SLC26A5: variants seen among roughly 807,000 people sequenced by gnomAD.
SLC26A5 encodes the protein prestin.
A neutral mutation model predicts 81.0 loss-of-function variants in SLC26A5; 51 were observed. That is an observed-to-expected ratio of 0.63 (90% CI 0.50 to 0.80). The LOEUF is 0.80. Ranked by LOEUF, SLC26A5 falls within the 30% of genes least tolerant of loss-of-function variation. The pLI is 0.00. For missense variants in SLC26A5, 771 were observed against 905.8 expected (o/e 0.85, Z 1.91); for synonymous variants, 325 against 332.8 (o/e 0.98, Z 0.25).
chr7:103,407,832 C>A lies in SLC26A5; in HGVS notation c.888+19G>T, dbSNP rs1394880903. The A allele has an allele frequency of 6.2e-7, 1 of 1,613,614 alleles. No homozygotes were observed. The highest frequency in any genetic ancestry group is 1.7e-5 in the Admixed American group (1 of 60,002). ...GCAGTTGTAGAAGCCGAGTAGGTCA[C>A]TGACCGAAGGTGACTTACCGCAAAG... On this transcript the variant is annotated intron_variant, in intron 8 of 19. Coordinates refer to ENST00000306312, the MANE Select transcript of SLC26A5 (RefSeq NM_198999.3).
At chr7:103,399,555 T>C (rs1488347338) in intron 8 of SLC26A5, among the ~76,000 whole-genome samples, 1 of 152,192 alleles carries the variant, frequency 6.6e-6, no homozygotes. Context: ...ATCAGACACC[T>C]ATACTCTTCA....
Position 103,443,168 on chromosome 7 carries a change from C to T in SLC26A5, c.-139G>A, listed in dbSNP as rs569235140. On this transcript the variant is annotated 5_prime_UTR_variant, in exon 2 of 20. Coordinates refer to ENST00000306312, the MANE Select transcript of SLC26A5 (RefSeq NM_198999.3). ...CAGTGCAGTTCACTGAAGCCTTGAT[C>T]ACTGAGGCTGAGAGCAGGAGAAGGG... is the stretch of plus-strand genomic sequence containing the variant. 6.6e-6 allele frequency: 1 copy of T among 152,362 alleles called. No homozygotes were observed. The highest frequency in any genetic ancestry group is 2.1e-4 in the South Asian group (1 of 4,828). The allele number at this position is 152,362 out of a possible 1,614,324, so 9.4% of individuals were successfully genotyped here.
At chr7:103,370,021 G>A (rs1288554407), downstream of SLC26A5, among the ~76,000 whole-genome samples, 2 of 152,196 alleles carry the variant, frequency 1.3e-5, no homozygotes, top group African/African-American at 2.4e-5. Flanking sequence ...GTTACCTGGT[G>A]TGGTGCTAAC....
chr7:103,419,666 T>A (rs924994773), intron 4 of SLC26A5, among the ~76,000 whole-genome samples: 4 of 152,004 alleles, frequency 2.6e-5, no homozygotes, highest in African/African-American at 9.7e-5. Flanking sequence ...GCCTCCTGAG[T>A]ATCTGAGACT....
rs116674459 is a variant in SLC26A5, at chr7:103,410,082, T to C, written c.735+303A>G. 0.016 allele frequency among the ~76,000 whole-genome samples: 2,433 copies of C among 152,272 alleles called. 62 individuals are homozygous for C. The highest frequency in any genetic ancestry group is 0.056 in the African/African-American group (2,310 of 41,546). On this transcript the variant is annotated intron_variant, in intron 7 of 19. Transcript: ENST00000306312. ...TATTTGTTAGTTTCCAAAAAGATCA[T>C]GATTTAGTTGTAAGAAAAAGCTCTC...
intron 10 of SLC26A5, among the ~76,000 whole-genome samples, chr7:103,391,955 G>A (rs1218243804): frequency 1.3e-5 from 2 of 152,186 alleles, no homozygotes; most frequent in African/African-American, 2.4e-5. Flanking sequence ...AGAGATAAAC[G>A]CTGGGCTCCC....
chr7:103,406,798 G>A (rs185070230), intron 8 of SLC26A5, among the ~76,000 whole-genome samples: 3 of 152,272 alleles, frequency 2.0e-5, no homozygotes, highest in Admixed American at 2.0e-4. Context: ...TGGGATTACA[G>A]GTGCATTTCA....
At chr7:103,389,492 C>T in intron 12 of SLC26A5, 68 bp from the exon 13 acceptor site, 1 of 1,140,470 alleles carries the variant, frequency 8.8e-7, no homozygotes, top group Non-Finnish European at 1.3e-6. Context: ...TGGTTCCTCA[C>T]TGTCCTCCTG....
chr7:103,363,635 A>G (rs1323829374), intron 19 of SLC26A5, among the ~76,000 whole-genome samples: 2 of 152,096 alleles, frequency 1.3e-5, no homozygotes, highest in East Asian at 3.9e-4. Flanking sequence ...GTGGTCAGGT[A>G]TATTTAAAAA....
At chr7:103,437,004 C>T (rs978522602) in intron 2 of SLC26A5, among the ~76,000 whole-genome samples, 14 of 152,268 alleles carry the variant, frequency 9.2e-5, no homozygotes, top group Non-Finnish European at 1.5e-5. Context: ...AGACAACCCA[C>T]AGAATGGGAG....
chr7:103,438,147 T>G (rs1481874185), intron 2 of SLC26A5, among the ~76,000 whole-genome samples: 1 of 152,118 alleles, frequency 6.6e-6, no homozygotes, highest in Admixed American at 6.6e-5. Context: ...CCTCTCTATC[T>G]GCAGAACCTG....
chr7:103,374,712 T>A lies in SLC26A5; in HGVS notation c.2042-120A>T. 6 of 1,042,836 alleles carry A rather than the reference T, an allele frequency of 5.8e-6. No homozygotes were observed. The South Asian group carries it at 9.5e-5, about 17-fold the overall frequency. 64.6% of individuals were successfully genotyped at this position (1,042,836 alleles called of 1,614,324 possible). ...TGTTATTGTTTTTTGTTTCTTTTTTTTTTTTGAGACAGAGTCTCACTCTGT... is the reference window on the plus strand; with the variant it reads ...TGTTATTGTTTTTTGTTTCTTTTTTATTTTTGAGACAGAGTCTCACTCTGT... On this transcript the variant is annotated intron_variant, in intron 19 of 19. Coordinates refer to ENST00000306312, the MANE Select transcript of SLC26A5 (RefSeq NM_198999.3).
Position 103,362,818 on chromosome 7 carries a change from C to T in SLC26A5, c.2042-9892G>A, listed in dbSNP as rs1476346561. ...TCTTTTTTTTTTTTTTTTTTTGAGGCGGAGTTTCACTCTTGTCCAGGCTGG... is the reference window on the plus strand; with the variant it reads ...TCTTTTTTTTTTTTTTTTTTTGAGGTGGAGTTTCACTCTTGTCCAGGCTGG... On this transcript the variant is annotated intron_variant, in intron 19 of 19. Coordinates refer to the SLC26A5 transcript ENST00000339444. 55 of 1,060,320 alleles carry T rather than the reference C, an allele frequency of 5.2e-5. 1 individual carries two copies. The highest frequency in any genetic ancestry group is 1.5e-4 in the African/African-American group (7 of 48,184). 65.7% of individuals were successfully genotyped at this position (1,060,320 alleles called of 1,614,324 possible). A position where few individuals can be genotyped will look rare whatever the true frequency, so the allele number is the denominator to read the frequency against.
chr7:103,364,190 G>C, intron 19 of SLC26A5: 2 of 1,614,188 alleles, frequency 1.2e-6, no homozygotes, highest in South Asian at 1.1e-5. Context: ...AGGGCGTGCT[G>C]CTCTTTGGTC....
chr7:103,422,981 G>A (rs1825462637), intron 2 of SLC26A5, among the ~76,000 whole-genome samples: 1 of 141,658 alleles, frequency 7.1e-6, no homozygotes. Context: ...TGAAATCAAG[G>A]CCAGGCATGG....
intron 14 of SLC26A5, among the ~76,000 whole-genome samples, chr7:103,386,391 C>T (rs2116434643): frequency 6.6e-6 from 1 of 152,074 alleles, no homozygotes; most frequent in South Asian, 2.1e-4. Flanking sequence ...CACGATGAAA[C>T]TCTGTCTTTA....
chr7:103,374,509 C>G lies in SLC26A5; in HGVS notation c.2125G>C (p.Ala709Pro). The stretch of plus-strand genomic sequence containing the variant: ...TCTCTAAGTTGGCTGCCTAAAACTG[C>G]ATCATGAATGCTGTGGAACAGCAGC... ...WELLFHSIHD[A>P]VLGSQLREAL... Residue 709 changes from alanine (A) to proline (P), a missense_variant, in exon 20 of 20, where the codon GCA becomes CCA. Coordinates refer to ENST00000306312, the MANE Select transcript of SLC26A5 (RefSeq NM_198999.3). The G allele has an allele frequency of 1.9e-6, 3 of 1,614,014 alleles. No homozygotes were observed.
chr7:103,391,118 C>G (rs565108681), intron 11 of SLC26A5, among the ~76,000 whole-genome samples: 27 of 152,296 alleles, frequency 1.8e-4, no homozygotes, highest in African/African-American at 6.3e-4. Context: ...CCGCCTTGGC[C>G]TCCCAGAGTG....
At chr7:103,360,150 A>AT (rs1398980678) in intron 19 of SLC26A5, among the ~76,000 whole-genome samples, 2 of 151,686 alleles carry the variant, frequency 1.3e-5, no homozygotes, top group African/African-American at 2.4e-5. Flanking sequence ...CTATTGACTG[A>AT]TTTTTTTCCC....
Sources: allele counts gnomAD v4.1 joint callset (sites outside exome capture counted in the v4.1 genomes callset), GRCh38; gene constraint gnomAD v4.1.1; transcripts MANE v1.5; gene names NCBI Gene and HGNC (gene_info 2026-07-23, HGNC 2026-07-21).